The following GAREM1 variants were observed in gnomAD, a reference collection of about 807,000 sequenced individuals.
The protein encoded by GAREM1 is GRB2 associated regulator of MAPK1 subtype 1.
A neutral mutation model predicts 71.3 loss-of-function variants in GAREM1; 26 were observed. That is an observed-to-expected ratio of 0.36 (90% confidence interval 0.27 to 0.51). The LOEUF (loss-of-function observed/expected upper bound fraction) is 0.51. Among genes scored for constraint, GAREM1 ranks in the 20% least tolerant of loss-of-function variants. GAREM1 has a pLI of 0.95. For synonymous variants in GAREM1, 440 were observed against 433.2 expected (o/e 1.02, Z -0.20); for missense variants, 1,026 against 1,103.1 (o/e 0.93, Z 0.99).
intron 2 of GAREM1, among the ~76,000 whole-genome samples, chr18:32,316,253 T>C (rs545068610): frequency 1.6e-4 from 25 of 152,348 alleles, no homozygotes; most frequent in Admixed American, 6.5e-4. Context: ...TTTATGCACA[T>C]AGTATATCAG....
intron 1 of GAREM1, among the ~76,000 whole-genome samples, chr18:32,415,039 C>G (rs910438753): frequency 2.0e-5 from 3 of 151,902 alleles, no homozygotes; most frequent in African/African-American, 7.2e-5. Flanking sequence ...ACTGATACCA[C>G]AGAAATTCAA....
chr18:32,420,199 T>C (rs1356973403), intron 1 of GAREM1, among the ~76,000 whole-genome samples: 1 of 152,176 alleles, frequency 6.6e-6, no homozygotes, highest in African/African-American at 2.4e-5. Flanking sequence ...TTAAATAGTT[T>C]CAAAATTATT....
rs891404840 is a variant in GAREM1, at chr18:32,265,031, A to T, written c.*2840T>A. Reference sequence around the variant, plus strand: ...ACTTTTCACTGCAGAATCGCAGGGAAGGGCTGTGAAAGGGAAGGGCTTCTC... The same window carrying T: ...ACTTTTCACTGCAGAATCGCAGGGATGGGCTGTGAAAGGGAAGGGCTTCTC... On this transcript the variant is annotated 3_prime_UTR_variant, in exon 6 of 6. Transcript: ENST00000269209. The T allele has an allele frequency of 1.3e-5, 2 of 152,200 alleles. No homozygotes were observed. Among genetic ancestry groups the T allele is most frequent in the South Asian group, 2.1e-4 (1 of 4,822 alleles). 9.4% of individuals were successfully genotyped at this position (152,200 alleles called of 1,614,324 possible).
chr18:32,325,944 T>A (rs1488929948), intron 2 of GAREM1, among the ~76,000 whole-genome samples: 1 of 152,140 alleles, frequency 6.6e-6, no homozygotes, highest in Non-Finnish European at 1.5e-5. Context: ...CAGAGAGAAG[T>A]TTAAGTTTAG....
intron 1 of GAREM1, among the ~76,000 whole-genome samples, chr18:32,398,882 C>T (rs575406645): frequency 5.3e-5 from 8 of 152,290 alleles, no homozygotes; most frequent in South Asian, 2.1e-4. Context: ...AATTTTAGAC[C>T]AATATCCTGA....
At chr18:32,341,932 T>C (rs1235011438) in intron 2 of GAREM1, among the ~76,000 whole-genome samples, 1 of 151,994 alleles carries the variant, frequency 6.6e-6, no homozygotes, top group Non-Finnish European at 1.5e-5. Flanking sequence ...TCAAGGATCA[T>C]GCTGAGGTTG....
chr18:32,401,739 G>A (rs2048317953), intron 1 of GAREM1, among the ~76,000 whole-genome samples: 1 of 152,112 alleles, frequency 6.6e-6, no homozygotes, highest in Non-Finnish European at 1.5e-5. Flanking sequence ...ACTGCCATTC[G>A]GGGGAAAAAA....
rs114753861 is a variant in GAREM1, at chr18:32,403,349, G to T, written c.122-10314C>A. 6.4e-3 allele frequency among the ~76,000 whole-genome samples: 974 copies of T among 152,236 alleles called. 17 individuals are homozygous for T. The highest frequency in any genetic ancestry group is 0.022 in the African/African-American group (926 of 41,546). On this transcript the variant is annotated intron_variant, in intron 1 of 5. Coordinates refer to ENST00000269209, the MANE Select transcript of GAREM1 (RefSeq NM_001242409.2). ...TGAGTCCAATACTCAAGGTCCCCAT[G>T]ATTTACTTCTAATAGTTTACCACCT... is the stretch of plus-strand genomic sequence containing the variant.
intron 1 of GAREM1, among the ~76,000 whole-genome samples, chr18:32,463,039 T>G (rs1489181669): frequency 1.3e-5 from 2 of 152,006 alleles, no homozygotes; most frequent in East Asian, 1.9e-4. Flanking sequence ...CAACAGGTAT[T>G]GCATATCTCA....
At chr18:32,380,896 A>T (rs2048090538) in intron 2 of GAREM1, among the ~76,000 whole-genome samples, 1 of 152,090 alleles carries the variant, frequency 6.6e-6, no homozygotes, top group African/African-American at 2.4e-5. Context: ...TTTGATCCTA[A>T]CAAGTCAACC....
intron 1 of GAREM1, among the ~76,000 whole-genome samples, chr18:32,401,183 G>T (rs962366339): frequency 4.6e-5 from 7 of 152,198 alleles, no homozygotes; most frequent in East Asian, 3.9e-4. Flanking sequence ...CGTGGGGTTG[G>T]GGGGAGAGGG....
intron 1 of GAREM1, among the ~76,000 whole-genome samples, chr18:32,459,233 G>A (rs1029668305): frequency 1.3e-5 from 2 of 151,998 alleles, no homozygotes; most frequent in Admixed American, 6.6e-5. Context: ...TATATAACAA[G>A]TTATACAATA....
intron 1 of GAREM1, among the ~76,000 whole-genome samples, chr18:32,437,814 A>G (rs188618765): frequency 1.3e-5 from 2 of 152,302 alleles, no homozygotes; most frequent in African/African-American, 4.8e-5. Context: ...AGTTTTAAAG[A>G]ATGTTTCCTT....
intron 2 of GAREM1, among the ~76,000 whole-genome samples, chr18:32,339,627 C>T (rs1431479492): frequency 6.6e-6 from 1 of 152,188 alleles, no homozygotes; most frequent in Non-Finnish European, 1.5e-5. Context: ...GCCCAGACCA[C>T]CTTATGCCTG....
intron 2 of GAREM1, among the ~76,000 whole-genome samples, chr18:32,368,112 G>C (rs529965281): frequency 1.3e-5 from 2 of 150,304 alleles, no homozygotes; most frequent in African/African-American, 4.9e-5. Context: ...GCCAGGCCTT[G>C]ATCTCCCAAG....
intron 2 of GAREM1, among the ~76,000 whole-genome samples, chr18:32,329,776 T>C (rs774814154): frequency 1.3e-5 from 2 of 150,376 alleles, no homozygotes; most frequent in Non-Finnish European, 3.0e-5. Flanking sequence ...AGAAATTTCA[T>C]TGGACTATGG....
chr18:32,431,519 T>C (rs2048624308), intron 1 of GAREM1, among the ~76,000 whole-genome samples: 2 of 151,920 alleles, frequency 1.3e-5, no homozygotes, highest in African/African-American at 4.8e-5. Flanking sequence ...TCCCAGTTAC[T>C]GGGAAGGCTG....
chr18:32,359,929 A>G (rs1175929618), intron 2 of GAREM1, among the ~76,000 whole-genome samples: 1 of 145,350 alleles, frequency 6.9e-6, no homozygotes, highest in Non-Finnish European at 1.5e-5. Flanking sequence ...CTGTCTCTTA[A>G]ATATAAATAA....
intron 4 of GAREM1, 52 bp downstream of exon 4, chr18:32,286,979 G>A (rs570062753): frequency 3.9e-6 from 5 of 1,294,586 alleles, no homozygotes; most frequent in Admixed American, 1.8e-5. Flanking sequence ...GTGGATGACT[G>A]AGCAGAGAGA....
Sources: gnomAD v4.1 joint callset for allele counts (sites outside exome capture counted in the v4.1 genomes callset) on GRCh38, gnomAD v4.1.1 for gene constraint, MANE v1.5 for transcripts, NCBI Gene and HGNC (gene_info 2026-07-23, HGNC 2026-07-21) for gene names.